GALNT17: variants seen among roughly 807,000 people sequenced by gnomAD.
GALNT17 encodes the protein UDP-GalNAc:polypeptide N-acetylgalactosaminyltransferase-like 3.
GALNT17 carries 29 observed loss-of-function variants against 63.7 expected under a neutral mutation model. That is an observed-to-expected ratio of 0.46 (90% CI 0.34 to 0.62). The LOEUF (loss-of-function observed/expected upper bound fraction) is 0.62. GALNT17 is among the 20% of genes least tolerant of loss of function. GALNT17 has a pLI of 0.01. For missense variants in GALNT17, 603 were observed against 799.6 expected, an observed-to-expected ratio of 0.75 and a Z score of 2.97; for synonymous variants, 305 against 318.3, an observed-to-expected ratio of 0.96 and a Z score of 0.45.
At chr7:71,524,127 A>T (rs1172534147) in intron 5 of GALNT17, among the ~76,000 whole-genome samples, 1 of 151,022 alleles carries the variant, frequency 6.6e-6, no homozygotes, top group Non-Finnish European at 1.5e-5. Flanking sequence ...AAAGAAAAAG[A>T]AAAAGAAAGA....
At chr7:71,675,615 C>G (rs1331844027) in intron 8 of GALNT17, among the ~76,000 whole-genome samples, 1 of 151,512 alleles carries the variant, frequency 6.6e-6, no homozygotes, top group African/African-American at 2.4e-5. Context: ...AGAGCAAGAC[C>G]CTGTCACTCA....
intron 6 of GALNT17, among the ~76,000 whole-genome samples, chr7:71,641,394 G>A (rs990345887): frequency 2.0e-5 from 3 of 152,142 alleles, no homozygotes; most frequent in African/African-American, 7.2e-5. Flanking sequence ...GTCTGTTTGA[G>A]CTGCTATAAC....
intron 1 of GALNT17, among the ~76,000 whole-genome samples, chr7:71,245,025 G>A (rs2116475983): frequency 6.6e-6 from 1 of 152,162 alleles, no homozygotes; most frequent in Non-Finnish European, 1.5e-5. Context: ...ATGTTTCTCA[G>A]GAAAAGCAAT....
At chr7:71,230,774 C>T (rs2116444541) in intron 1 of GALNT17, among the ~76,000 whole-genome samples, 1 of 152,260 alleles carries the variant, frequency 6.6e-6, no homozygotes, top group Non-Finnish European at 1.5e-5. Context: ...TTTTTCAGAT[C>T]CCCTTCGTGA....
intron 9 of GALNT17, among the ~76,000 whole-genome samples, chr7:71,693,621 G>GAATA (rs57753613): frequency 0.045 from 6,689 of 148,506 alleles, 524 homozygotes; most frequent in African/African-American, 0.16. Flanking sequence ...ACATAGAAGG[G>GAATA]AATAACAAAC....
chr7:71,470,185 G>A (rs752736739), intron 5 of GALNT17, among the ~76,000 whole-genome samples: 3 of 152,180 alleles, frequency 2.0e-5, no homozygotes, highest in African/African-American at 4.8e-5. Context: ...CTGCAGCCTA[G>A]AAGACAGAGC....
intron 2 of GALNT17, among the ~76,000 whole-genome samples, chr7:71,368,251 A>T (rs1264666997): frequency 6.6e-6 from 1 of 152,172 alleles, no homozygotes. Flanking sequence ...CCATGACTGG[A>T]GGATCAAGTC....
chr7:71,337,133 G>A (rs1424909271), intron 2 of GALNT17, among the ~76,000 whole-genome samples: 1 of 151,770 alleles, frequency 6.6e-6, no homozygotes, highest in Non-Finnish European at 1.5e-5. Context: ...TGAAGTTTTA[G>A]TGTATTGTCT....
chr7:71,435,789 A>C (rs962234456), intron 5 of GALNT17, among the ~76,000 whole-genome samples: 1 of 151,968 alleles, frequency 6.6e-6, no homozygotes, highest in East Asian at 1.9e-4. Flanking sequence ...GGAGGCCGAG[A>C]CCGGTGGATC....
chr7:71,541,442 A>C (rs1392282502), intron 5 of GALNT17, among the ~76,000 whole-genome samples: 2 of 152,060 alleles, frequency 1.3e-5, no homozygotes, highest in Admixed American at 6.6e-5. Flanking sequence ...AATCCCAGCT[A>C]TTCGGGTGGC....
chr7:71,367,360 A>G (rs1438287334), intron 2 of GALNT17, among the ~76,000 whole-genome samples: 1 of 152,156 alleles, frequency 6.6e-6, no homozygotes, highest in Non-Finnish European at 1.5e-5. Flanking sequence ...AGCGCTGGCC[A>G]TGGGTTTACC....
At chr7:71,226,946 C>T (rs929862848) in intron 1 of GALNT17, among the ~76,000 whole-genome samples, 10 of 152,090 alleles carry the variant, frequency 6.6e-5, no homozygotes, top group Non-Finnish European at 8.8e-5. Flanking sequence ...TATGTGCTGC[C>T]GTCCAAGGAA....
chr7:71,369,148 C>T (rs1422881155), intron 2 of GALNT17, among the ~76,000 whole-genome samples: 4 of 152,212 alleles, frequency 2.6e-5, no homozygotes, highest in Non-Finnish European at 4.4e-5. Context: ...ACAACCTACT[C>T]TTAGTACACA....
chr7:71,639,149 A>G (rs1038904428), intron 6 of GALNT17, among the ~76,000 whole-genome samples: 5 of 152,206 alleles, frequency 3.3e-5, no homozygotes, highest in African/African-American at 9.6e-5. Context: ...CCCATTCTCC[A>G]TGATGGGATT....
chr7:71,350,368 A>C (rs919685763), intron 2 of GALNT17, among the ~76,000 whole-genome samples: 1 of 152,142 alleles, frequency 6.6e-6, no homozygotes, highest in South Asian at 2.1e-4. Context: ...AACTGGGAAA[A>C]ATAAACACGA....
chr7:71,483,246 G>A (rs771196083), intron 5 of GALNT17, among the ~76,000 whole-genome samples: 6 of 152,138 alleles, frequency 3.9e-5, no homozygotes, highest in South Asian at 2.1e-4. Flanking sequence ...CAAGGCAGGC[G>A]GATCACCTGA....
chr7:71,649,635 A>G (rs1790727994), intron 6 of GALNT17, among the ~76,000 whole-genome samples: 1 of 152,046 alleles, frequency 6.6e-6, no homozygotes, highest in East Asian at 1.9e-4. Context: ...ACACACACAC[A>G]CACACACACA....
intron 3 of GALNT17, among the ~76,000 whole-genome samples, chr7:71,406,802 C>T (rs1363449520): frequency 1.3e-5 from 2 of 151,192 alleles, no homozygotes; most frequent in South Asian, 2.1e-4. Context: ...GTGCAATCAC[C>T]GCTCACTGCA....
chr7:71,580,318 G>T (rs1195183040), intron 6 of GALNT17, among the ~76,000 whole-genome samples: 1 of 151,916 alleles, frequency 6.6e-6, no homozygotes. Context: ...GTAGATGATA[G>T]ATGGATACAA....
Sources: allele counts gnomAD v4.1 joint callset (sites outside exome capture counted in the v4.1 genomes callset), GRCh38; gene constraint gnomAD v4.1.1; transcripts MANE v1.5; gene names NCBI Gene and HGNC (gene_info 2026-07-23, HGNC 2026-07-21).